The following AVEN variants were observed in gnomAD, a reference collection of about 807,000 sequenced individuals.
AVEN encodes the protein cell death regulator Aven.
A neutral mutation model predicts 38.1 loss-of-function variants in AVEN; 41 were observed. The ratio of observed to expected loss-of-function variants is 1.08; its 90% CI spans 0.84 to 1.40. The LOEUF is 1.40. AVEN is among the 40% of genes most tolerant of loss of function. AVEN has a pLI of 0.00. For synonymous variants in AVEN, 206 were observed against 171.8 expected, an observed-to-expected ratio of 1.20 and a Z score of -1.56; for missense variants, 605 against 438.8, an observed-to-expected ratio of 1.38 and a Z score of -3.38.
intron 2 of AVEN, among the ~76,000 whole-genome samples, chr15:33,915,298 C>T (rs757163064): frequency 5.7e-4 from 86 of 152,182 alleles, no homozygotes; most frequent in Non-Finnish European, 5.7e-4. Context: ...AGGAAGCAAG[C>T]GCATTGCTCC....
chr15:33,978,089 C>T (rs1895965603), intron 2 of AVEN, among the ~76,000 whole-genome samples: 1 of 151,968 alleles, frequency 6.6e-6, no homozygotes, highest in Non-Finnish European at 1.5e-5. Context: ...TCAAAAGTCA[C>T]TATGTCTATA....
chr15:34,015,274 G>C (rs1197279912), intron 1 of AVEN, among the ~76,000 whole-genome samples: 1 of 152,086 alleles, frequency 6.6e-6, no homozygotes, highest in Non-Finnish European at 1.5e-5. Context: ...ACGAGGTCAG[G>C]AGATCGAGAC....
At chr15:34,006,946 T>C in intron 1 of AVEN, 3 of 481,480 alleles carry the variant, frequency 6.2e-6, no homozygotes, top group Non-Finnish European at 8.1e-6. Flanking sequence ...AATAAAATAC[T>C]GATCAGAAAA....
rs1463882706 is a variant in AVEN at position 34,039,164 on chromosome 15, A to AGGCGCGG, written c.-125_-119dup. 67 of 883,132 alleles carry AGGCGCGG rather than the reference A, an allele frequency of 7.6e-5. No individual in the cohort carries two copies. In the South Asian group the frequency reaches 3.2e-3, roughly 42 times the overall value. The allele number at this position is 883,132 out of a possible 1,614,324, so 54.7% of individuals were successfully genotyped here. On this transcript the variant is annotated 5_prime_UTR_variant, in exon 1 of 6. Coordinates refer to ENST00000306730, the MANE Select transcript of AVEN (RefSeq NM_020371.3). ...GAGCGAAAGGCGCCCGGTAGCAGCGAGGCGCGGGGTGCGGGGCTAGGGATC... is the reference window on the plus strand; with the variant it reads ...GAGCGAAAGGCGCCCGGTAGCAGCGAGGCGCGGGGCGCGGGGTGCGGGGCTAGGGATC...
At chr15:33,919,028 C>A (rs1893283435) in intron 2 of AVEN, among the ~76,000 whole-genome samples, 1 of 150,334 alleles carries the variant, frequency 6.7e-6, no homozygotes, top group South Asian at 2.1e-4. Flanking sequence ...TCAAGCAATT[C>A]TCCTGCCTCA....
intron 2 of AVEN, among the ~76,000 whole-genome samples, chr15:33,980,908 G>GT (rs1304804375): frequency 1.3e-5 from 2 of 152,066 alleles, no homozygotes; most frequent in Non-Finnish European, 2.9e-5. Context: ...CCTAAAAATC[G>GT]TATCACTAGA....
At chr15:33,855,989 G>A (rs1597062293), downstream of AVEN, 3 of 152,266 alleles carry the variant, frequency 2.0e-5, no homozygotes, top group Middle Eastern at 0.01. Flanking sequence ...AGAAAAGACG[G>A]AAGTTACAGT....
chr15:33,854,646 G>C (rs1215650213), downstream of AVEN: 1 of 1,316,110 alleles, frequency 7.6e-7, no homozygotes, highest in African/African-American at 1.5e-5. Context: ...CCAGCTCACA[G>C]CACCTCAGCA....
At chr15:33,862,613 G>T (rs1708385148), downstream of AVEN, among the ~76,000 whole-genome samples, 1 of 152,088 alleles carries the variant, frequency 6.6e-6, no homozygotes. Context: ...TCAAAAACAT[G>T]AGTTTTGTTT....
At chr15:33,961,005 T>C (rs1414927975) in intron 2 of AVEN, among the ~76,000 whole-genome samples, 1 of 152,234 alleles carries the variant, frequency 6.6e-6, no homozygotes, top group East Asian at 1.9e-4. Context: ...ATATTTCTTT[T>C]TCTTTTTTCT....
At chr15:33,867,047 G>C (rs1159527759) in intron 5 of AVEN, among the ~76,000 whole-genome samples, 1 of 152,002 alleles carries the variant, frequency 6.6e-6, no homozygotes, top group Non-Finnish European at 1.5e-5. Flanking sequence ...AATCACCTTA[G>C]GCCCCTCTAC....
At position 33,892,096 on chromosome 15, in the gene AVEN, G is replaced by T. The variant is rs542458820; in HGVS notation, c.446-16101C>A. On this transcript the variant is annotated intron_variant, in intron 2 of 5. Transcript: ENST00000306730. Reference sequence around the variant, plus strand: ...GGGGTTGTTTTTTTCTTGTAAATTTGTTTGAGTTATTTGTAGATTCTGGAT... The same window carrying T: ...GGGGTTGTTTTTTTCTTGTAAATTTTTTTGAGTTATTTGTAGATTCTGGAT... Among the ~76,000 whole-genome samples the T allele has an allele frequency of 3.0e-3, 452 of 152,232 alleles. 2 individuals are homozygous for T. Among genetic ancestry groups the T allele is most frequent in the African/African-American group, 0.011 (441 of 41,516 alleles).
intron 2 of AVEN, among the ~76,000 whole-genome samples, chr15:33,938,724 G>A (rs1156559809): frequency 1.3e-5 from 2 of 152,330 alleles, no homozygotes; most frequent in East Asian, 1.9e-4. Context: ...CATTAGTTAT[G>A]TAACCAGAAT....
intron 4 of AVEN, among the ~76,000 whole-genome samples, chr15:33,868,824 T>C (rs1890813425): frequency 1.3e-5 from 2 of 152,204 alleles, no homozygotes; most frequent in Non-Finnish European, 2.9e-5. Context: ...GACAATATTC[T>C]AAGTCTTTAT....
At chr15:34,005,369 C>T (rs546569979) in intron 1 of AVEN, among the ~76,000 whole-genome samples, 1 of 152,256 alleles carries the variant, frequency 6.6e-6, no homozygotes, top group South Asian at 2.1e-4. Flanking sequence ...CCTATTTTTA[C>T]GACCCTGACT....
At chr15:33,902,732 C>A (rs749723841) in intron 2 of AVEN, among the ~76,000 whole-genome samples, 1 of 152,148 alleles carries the variant, frequency 6.6e-6, no homozygotes, top group Admixed American at 6.6e-5. Context: ...AAAATCAACA[C>A]ACAAAAATCA....
intron 5 of AVEN, among the ~76,000 whole-genome samples, chr15:34,060,054 G>T (rs1034280618): frequency 5.3e-5 from 8 of 152,184 alleles, no homozygotes; most frequent in Non-Finnish European, 1.5e-5. Flanking sequence ...GTGTGGCTTA[G>T]ATCTGACCAT....
At chr15:33,913,016 A>G (rs1461457684) in intron 2 of AVEN, among the ~76,000 whole-genome samples, 2 of 151,928 alleles carry the variant, frequency 1.3e-5, no homozygotes, top group African/African-American at 4.8e-5. Flanking sequence ...CAGCCTCCCA[A>G]GTAGCTGGGA....
chr15:34,056,082 C>A (rs923595904), intron 5 of AVEN, among the ~76,000 whole-genome samples: 4 of 152,126 alleles, frequency 2.6e-5, no homozygotes, highest in African/African-American at 9.7e-5. Context: ...ATGCTGAGGG[C>A]TGTTTTCACT....
Sources: allele counts gnomAD v4.1 joint callset (sites outside exome capture counted in the v4.1 genomes callset), GRCh38; gene constraint gnomAD v4.1.1; transcripts MANE v1.5; gene names NCBI Gene and HGNC (gene_info 2026-07-23, HGNC 2026-07-21).